HHIPL1: variants seen among roughly 807,000 people sequenced by gnomAD.
The protein encoded by HHIPL1 is HHIP-like protein 1.
A neutral mutation model predicts 61.8 loss-of-function variants in HHIPL1; 43 were observed. That is an observed-to-expected ratio of 0.70 (90% CI 0.55 to 0.90). The LOEUF (loss-of-function observed/expected upper bound fraction) is 0.90. Among genes scored for constraint, HHIPL1 ranks in the 40% least tolerant of loss-of-function variants. The pLI is 0.00. For missense variants in HHIPL1, 1,056 were observed against 1,157.7 expected (o/e 0.91, Z 1.28); for synonymous variants, 482 against 515.8 (o/e 0.93, Z 0.89).
Position 99,660,496 on chromosome 14 carries a change from C to A in HHIPL1, c.1502+90C>A. The A allele has an allele frequency of 2.8e-6, 4 of 1,450,308 alleles. No homozygotes were observed. The highest frequency in any genetic ancestry group is 2.6e-5 in the South Asian group (2 of 76,168). 89.8% of individuals were successfully genotyped at this position (1,450,308 alleles called of 1,614,324 possible). On this transcript the variant is annotated intron_variant, in intron 5 of 8. Transcript: ENST00000330710. This position sits in a 1 kb window ranked among gnomAD's most constrained non-coding sequence, Gnocchi z 4.9. ...GTAAAGGGGAGTGTATGTGTGCGCC[C>A]GTTCCTGCACATGTGCCTCGCTGCT...
At chr14:99,619,112 G>A in the HHIPL1 span, among the ~76,000 whole-genome samples, 1,010 of 152,170 alleles carry the variant, frequency 6.6e-3, 8 homozygotes, top group African/African-American at 0.023. Flanking sequence ...CCGACACCCC[G>A]TGTACTGGCC....
chr14:99,672,664 T>C (rs775439109), intron 8 of HHIPL1, among the ~76,000 whole-genome samples: 9 of 152,176 alleles, frequency 5.9e-5, no homozygotes, highest in Non-Finnish European at 7.3e-5. Context: ...TGTGAGTTCT[T>C]GGGAGGGACA....
the HHIPL1 span, among the ~76,000 whole-genome samples, chr14:99,631,537 T>C: frequency 6.6e-6 from 1 of 152,112 alleles, no homozygotes; most frequent in Non-Finnish European, 1.5e-5. Flanking sequence ...CATTTCCTTG[T>C]GTGGACACTG....
the HHIPL1 span, among the ~76,000 whole-genome samples, chr14:99,615,563 G>C: frequency 6.7e-6 from 1 of 148,644 alleles, no homozygotes; most frequent in East Asian, 2.0e-4. Flanking sequence ...AGAAAAGAAA[G>C]GAAGGCAGTT....
intron 1 of HHIPL1, among the ~76,000 whole-genome samples, chr14:99,646,362 A>G (rs2055833701): frequency 6.6e-6 from 1 of 152,276 alleles, no homozygotes; most frequent in South Asian, 2.1e-4. Flanking sequence ...GCCTTCGGCC[A>G]GCAGGGGCAG....
chr14:99,654,893 G>A (rs1240745720), intron 2 of HHIPL1, among the ~76,000 whole-genome samples: 1 of 152,212 alleles, frequency 6.6e-6, no homozygotes, highest in Admixed American at 6.5e-5. Flanking sequence ...TGTGTCTTCA[G>A]TGGTGACTTT....
At chr14:99,621,694 TTTTTC>T in the HHIPL1 span, among the ~76,000 whole-genome samples, 1 of 141,072 alleles carries the variant, frequency 7.1e-6, no homozygotes, top group Non-Finnish European at 1.5e-5. Flanking sequence ...GGATTCCCTT[TTTTTC>T]TTTTCTTTTC....
At chr14:99,611,073 A>G in the HHIPL1 span, among the ~76,000 whole-genome samples, 11 of 152,232 alleles carry the variant, frequency 7.2e-5, no homozygotes, top group Admixed American at 6.5e-4. Context: ...AACTACTGCT[A>G]TCTTAGATCC....
chr14:99,675,100 C>T lies in HHIPL1; in HGVS notation c.1823C>T (p.Pro608Leu), dbSNP rs1421814040. The T allele has an allele frequency of 1.7e-6, 2 of 1,168,082 alleles. No homozygotes were observed. The highest frequency in any genetic ancestry group is 9.9e-5 in the Admixed American group (2 of 20,108). The allele number at this position is 1,168,082 out of a possible 1,614,324, so 72.4% of individuals were successfully genotyped here. The change falls in exon 9 of 9, where the codon CCG (proline) becomes CTG (leucine). Residue 608 changes from proline (P) to leucine (L), a missense_variant. Transcript: ENST00000330710. This position sits in a 1 kb window ranked among gnomAD's most constrained non-coding sequence, Gnocchi z 5.4. ...CTCTTCCTCTGCGCAGAGTTCATCC[C>T]GAAGACACGGAGCACCCCGCGGCCT... ...IPFVPKEKFI[P>L]KTRSTPRPTA... is the part of the protein sequence containing the mutation.
chr14:99,664,207 C>T (rs900254662), intron 6 of HHIPL1, among the ~76,000 whole-genome samples: 2 of 152,178 alleles, frequency 1.3e-5, no homozygotes, highest in Non-Finnish European at 2.9e-5. Flanking sequence ...GCAACGCCCA[C>T]CCAGGGGCCT....
chr14:99,654,289 C>G (rs867186953), intron 2 of HHIPL1, among the ~76,000 whole-genome samples: 2 of 152,020 alleles, frequency 1.3e-5, no homozygotes, highest in African/African-American at 2.4e-5. Context: ...CCCCTTGGGC[C>G]GGGAGGACAA....
chr14:99,612,964 G>T, the HHIPL1 span, among the ~76,000 whole-genome samples: 2 of 152,194 alleles, frequency 1.3e-5, no homozygotes, highest in African/African-American at 2.4e-5. Flanking sequence ...ATCTCCTCCA[G>T]TGCCTGAATA....
Position 99,675,779 on chromosome 14 carries a change from C to A in HHIPL1, c.*153C>A. On this transcript the variant is annotated 3_prime_UTR_variant, in exon 9 of 9. Transcript: ENST00000330710. This position sits in a 1 kb window ranked among gnomAD's most constrained non-coding sequence, Gnocchi z 5.4. Reference sequence around the variant, plus strand: ...GGGACATGTGTGAGGCGCTGCAGTGCATGTGTGTCCTCTGCAGACCCAAGG... The same window carrying A: ...GGGACATGTGTGAGGCGCTGCAGTGAATGTGTGTCCTCTGCAGACCCAAGG... The A allele has an allele frequency of 1.4e-6, 1 of 714,900 alleles. No individual in the cohort carries two copies. The highest frequency in any genetic ancestry group is 2.1e-6 in the Non-Finnish European group (1 of 465,134). The allele number at this position is 714,900 out of a possible 1,614,324, so 44.3% of individuals were successfully genotyped here.
chr14:99,652,421 G>A lies in HHIPL1; in HGVS notation c.453G>A (p.Leu151=), dbSNP rs1431650519. The change falls in exon 2 of 9, where the codon CTG becomes CTA. Residue 151 remains leucine, a synonymous_variant. Coordinates refer to ENST00000330710, the MANE Select transcript of HHIPL1 (RefSeq NM_001127258.3). ...NLARFCRYLS[L]DDTDYCFPYL... ...CCAGGTTCTGCCGCTACCTGTCCCT[G>A]GATGACACGGACTACTGCTTCCCTT... 8 of 1,614,212 alleles carry A rather than the reference G, an allele frequency of 5.0e-6. No individual in the cohort carries two copies. Among genetic ancestry groups the A allele is most frequent in the Non-Finnish European group, 6.8e-6 (8 of 1,180,046 alleles).
the HHIPL1 span, among the ~76,000 whole-genome samples, chr14:99,620,561 G>C: frequency 6.6e-6 from 1 of 152,260 alleles, no homozygotes; most frequent in African/African-American, 2.4e-5. Flanking sequence ...CCGCAGGGGG[G>C]CTAAGGGCAG....
chr14:99,646,092 T>C (rs1434172964), intron 1 of HHIPL1, among the ~76,000 whole-genome samples: 1 of 152,264 alleles, frequency 6.6e-6, no homozygotes, highest in Non-Finnish European at 1.5e-5. Context: ...GACAGCTCTT[T>C]GTTGAAGCCC....
the HHIPL1 span, among the ~76,000 whole-genome samples, chr14:99,639,881 C>G: frequency 6.6e-6 from 1 of 151,958 alleles, no homozygotes; most frequent in Non-Finnish European, 1.5e-5. Context: ...AGGCTGGTCT[C>G]GAACTCCTGA....
chr14:99,608,736 TAG>T, the HHIPL1 span, among the ~76,000 whole-genome samples: 2 of 152,224 alleles, frequency 1.3e-5, no homozygotes, highest in African/African-American at 2.4e-5. Flanking sequence ...AGCACTGTGC[TAG>T]AGTTCCACAT....
chr14:99,608,939 C>T, the HHIPL1 span, among the ~76,000 whole-genome samples: 1 of 152,196 alleles, frequency 6.6e-6, no homozygotes, highest in Non-Finnish European at 1.5e-5. Context: ...CTACTGTCTC[C>T]CACACCTCAG....
Sources: gnomAD v4.1 joint callset for allele counts (sites outside exome capture counted in the v4.1 genomes callset) on GRCh38, gnomAD v4.1.1 for gene constraint, Gnocchi (gnomAD v3.1) non-coding constraint, MANE v1.5 for transcripts, NCBI Gene and HGNC (gene_info 2026-07-23, HGNC 2026-07-21) for gene names.